The following SFMBT1 variants were observed in gnomAD, a reference collection of about 807,000 sequenced individuals.
SFMBT1 encodes Scm like with four mbt domains 1.
SFMBT1 carries 32 observed loss-of-function variants against 108.7 expected under a neutral mutation model. The ratio of observed to expected loss-of-function variants is 0.29; its 90% CI spans 0.22 to 0.40. SFMBT1 has a LOEUF of 0.40. Among genes scored for constraint, SFMBT1 ranks in the 10% least tolerant of loss-of-function variants. The pLI, the probability that SFMBT1 is intolerant of heterozygous loss-of-function variation, is 1.00. For synonymous variants in SFMBT1, 348 were observed against 369.5 expected, an observed-to-expected ratio of 0.94 and a Z score of 0.67; for missense variants, 816 against 1,059.6, an observed-to-expected ratio of 0.77 and a Z score of 3.19.
chr3:52,987,571 C>T (rs1485019303), intron 1 of SFMBT1, among the ~76,000 whole-genome samples: 1 of 152,204 alleles, frequency 6.6e-6, no homozygotes, highest in African/African-American at 2.4e-5. Flanking sequence ...GAACCCTCAT[C>T]TGATCCCAAG....
chr3:53,005,955 C>G (rs1000888816), intron 1 of SFMBT1, among the ~76,000 whole-genome samples: 22 of 152,150 alleles, frequency 1.4e-4, no homozygotes, highest in African/African-American at 5.3e-4. Flanking sequence ...GTGGGGCAGG[C>G]AGGACCATGC....
chr3:53,041,073 T>C (rs1353945448), intron 1 of SFMBT1, among the ~76,000 whole-genome samples: 1 of 145,356 alleles, frequency 6.9e-6, no homozygotes, highest in Non-Finnish European at 1.5e-5. Flanking sequence ...TCTGCCTGCC[T>C]TGGTCTCCCA....
intron 1 of SFMBT1, among the ~76,000 whole-genome samples, chr3:53,037,636 C>A (rs2581818): frequency 0.3 from 45,143 of 151,956 alleles, 7,104 homozygotes; most frequent in East Asian, 0.49. Flanking sequence ...AAATTTCTAT[C>A]TTTAGCTAGA....
chr3:53,035,662 T>C lies in SFMBT1; in HGVS notation c.-131+10154A>G, dbSNP rs149034755. 3.4e-3 allele frequency among the ~76,000 whole-genome samples: 513 copies of C among 152,322 alleles called. 3 individuals are homozygous for C. Among genetic ancestry groups the C allele is most frequent in the African/African-American group, 0.012 (479 of 41,580 alleles). On this transcript the variant is annotated intron_variant, in intron 1 of 20. Coordinates refer to ENST00000394752, the MANE Select transcript of SFMBT1 (RefSeq NM_016329.4). ...CCCAGGCTGGAGTGCAGTGGTGCCA[T>C]CTCATCTCACTGAAACCCCCACTTG...
At chr3:53,013,862 C>T (rs1699039373) in intron 1 of SFMBT1, among the ~76,000 whole-genome samples, 1 of 151,954 alleles carries the variant, frequency 6.6e-6, no homozygotes, top group Admixed American at 6.6e-5. Flanking sequence ...CTCCTGATCC[C>T]AGGTAATCCG....
intron 1 of SFMBT1, among the ~76,000 whole-genome samples, chr3:53,008,598 T>C (rs528000774): frequency 1.3e-5 from 2 of 151,906 alleles, no homozygotes; most frequent in South Asian, 4.2e-4. Flanking sequence ...CAAGCTCCAG[T>C]TCATCACATA....
chr3:53,003,023 G>A (rs1214067356), intron 1 of SFMBT1, among the ~76,000 whole-genome samples: 1 of 145,908 alleles, frequency 6.9e-6, no homozygotes, highest in Non-Finnish European at 1.5e-5. Flanking sequence ...CTGGGAGGCT[G>A]AGGCAGGAGG....
chr3:52,975,508 G>C (rs989050559), intron 1 of SFMBT1, among the ~76,000 whole-genome samples: 5 of 152,164 alleles, frequency 3.3e-5, no homozygotes, highest in African/African-American at 1.2e-4. Flanking sequence ...GGGCAATATA[G>C]TAAGACCTCA....
chr3:52,910,957 G>T, intron 17 of SFMBT1, 46 bp downstream of exon 17: 1 of 1,588,474 alleles, frequency 6.3e-7, no homozygotes, highest in Non-Finnish European at 8.6e-7. Flanking sequence ...AAGATGTAAG[G>T]TATGGTCAGC....
intron 1 of SFMBT1, among the ~76,000 whole-genome samples, chr3:53,039,321 G>A (rs1409565924): frequency 6.6e-6 from 1 of 152,112 alleles, no homozygotes; most frequent in African/African-American, 2.4e-5. Flanking sequence ...CAACATGGAT[G>A]AACCTTAAAG....
intron 1 of SFMBT1, among the ~76,000 whole-genome samples, chr3:53,024,182 G>A (rs184141545): frequency 6.2e-4 from 95 of 152,270 alleles, no homozygotes; most frequent in African/African-American, 1.9e-3. Context: ...TTTTAGATAC[G>A]TCAACTGTCT....
chr3:53,000,075 G>T (rs1009635266), intron 1 of SFMBT1, among the ~76,000 whole-genome samples: 1 of 149,854 alleles, frequency 6.7e-6, no homozygotes, highest in Non-Finnish European at 1.5e-5. Context: ...TGTTAGCCAG[G>T]ATGGTCTTGA....
At chr3:52,930,244 A>G (rs1167890868) in intron 8 of SFMBT1, 85 bp downstream of exon 8, 1 of 821,052 alleles carries the variant, frequency 1.2e-6, no homozygotes, top group African/African-American at 1.7e-5. Context: ...TTGGATCAAT[A>G]GAGCTTAAAG....
At chr3:53,014,960 C>T (rs1356330331) in intron 1 of SFMBT1, among the ~76,000 whole-genome samples, 2 of 152,174 alleles carry the variant, frequency 1.3e-5, no homozygotes, top group African/African-American at 2.4e-5. Context: ...TGGCTCATGC[C>T]TGTAATCCCA....
intron 1 of SFMBT1, among the ~76,000 whole-genome samples, chr3:52,991,222 G>C (rs1457132696): frequency 6.6e-6 from 1 of 151,956 alleles, no homozygotes; most frequent in Non-Finnish European, 1.5e-5. Flanking sequence ...CCATTCCCAT[G>C]TGCCAACATT....
chr3:53,005,533 A>G (rs1698709853), intron 1 of SFMBT1, among the ~76,000 whole-genome samples: 1 of 152,190 alleles, frequency 6.6e-6, no homozygotes, highest in African/African-American at 2.4e-5. Flanking sequence ...GCTGGTCTCA[A>G]ACTCCTGGCC....
intron 2 of SFMBT1, among the ~76,000 whole-genome samples, chr3:52,967,061 G>A (rs898326276): frequency 1.6e-4 from 24 of 151,534 alleles, no homozygotes; most frequent in African/African-American, 5.8e-4. Context: ...AAAAGTTCAA[G>A]TAACCCACAG....
chr3:52,985,342 G>C (rs1704867481), intron 1 of SFMBT1, among the ~76,000 whole-genome samples: 1 of 152,152 alleles, frequency 6.6e-6, no homozygotes, highest in Non-Finnish European at 1.5e-5. Flanking sequence ...CATCTCAACA[G>C]AACAAATGCT....
At chr3:53,007,513 G>T (rs1033424274) in intron 1 of SFMBT1, among the ~76,000 whole-genome samples, 11 of 152,270 alleles carry the variant, frequency 7.2e-5, no homozygotes, top group African/African-American at 2.4e-4. Context: ...GAACACTTGT[G>T]CCAGAAAACA....
Sources: gnomAD v4.1 joint callset for allele counts (sites outside exome capture counted in the v4.1 genomes callset) on GRCh38, gnomAD v4.1.1 for gene constraint, MANE v1.5 for transcripts, NCBI Gene and HGNC (gene_info 2026-07-23, HGNC 2026-07-21) for gene names.